The following CADPS variants were observed in gnomAD, a reference collection of about 807,000 sequenced individuals.
The protein encoded by CADPS is calcium dependent secretion activator, also known as calcium-dependent secretion activator 1.
In CADPS, 57 loss-of-function variants were observed where a neutral mutation model predicts 167.3. That is an observed-to-expected ratio of 0.34 (90% CI 0.28 to 0.42). The LOEUF (loss-of-function observed/expected upper bound fraction) is 0.42, where lower values mean the gene tolerates loss of function less well. CADPS is among the 20% of genes least tolerant of loss of function. The pLI is 1.00. For synonymous variants in CADPS, 676 were observed against 635.3 expected (o/e 1.06, Z -0.96); for missense variants, 1,414 against 1,738.1 (o/e 0.81, Z 3.32).
intron 27 of CADPS, among the ~76,000 whole-genome samples, chr3:62,443,813 C>T (rs1030407611): frequency 3.3e-5 from 5 of 152,156 alleles, no homozygotes; most frequent in African/African-American, 4.8e-5. Context: ...TTCATAGTAG[C>T]ATGAAAATGG....
chr3:62,717,277 A>T (rs1011142116), intron 3 of CADPS, among the ~76,000 whole-genome samples: 1 of 152,198 alleles, frequency 6.6e-6, no homozygotes, highest in African/African-American at 2.4e-5. Flanking sequence ...TCTTTGTTGA[A>T]TGAAAGATAA....
At chr3:62,822,401 G>A (rs141185001) in intron 1 of CADPS, among the ~76,000 whole-genome samples, 2 of 152,250 alleles carry the variant, frequency 1.3e-5, no homozygotes, top group African/African-American at 4.8e-5. Context: ...ATTCACAGCT[G>A]GTGTCTTGAG....
At chr3:62,573,786 T>C (rs1251681531) in intron 8 of CADPS, among the ~76,000 whole-genome samples, 7 of 152,196 alleles carry the variant, frequency 4.6e-5, no homozygotes, top group African/African-American at 1.4e-4. Flanking sequence ...TTTAATTTAT[T>C]TGTGGTTATA....
chr3:62,690,326 T>C (rs1165407818), intron 3 of CADPS, among the ~76,000 whole-genome samples: 1 of 152,104 alleles, frequency 6.6e-6, no homozygotes, highest in African/African-American at 2.4e-5. Flanking sequence ...TCCAAGATGA[T>C]GCATGGTCAT....
At chr3:62,562,606 A>C (rs1180052330) in intron 9 of CADPS, among the ~76,000 whole-genome samples, 1 of 152,176 alleles carries the variant, frequency 6.6e-6, no homozygotes, top group African/African-American at 2.4e-5. Context: ...AAGTGCTGGG[A>C]TTATAGATAT....
chr3:62,404,366 T>C (rs551522933), intron 28 of CADPS: 1 of 152,754 alleles, frequency 6.5e-6, no homozygotes, highest in African/African-American at 2.4e-5. Flanking sequence ...AACATGTTTC[T>C]GATGGTAACT....
At chr3:62,589,884 A>G (rs17066672) in intron 7 of CADPS, among the ~76,000 whole-genome samples, 5,472 of 152,254 alleles carry the variant, frequency 0.036, 337 homozygotes, top group African/African-American at 0.12. Context: ...GCCCAGGCAC[A>G]AACACATCTG....
chr3:62,667,476 T>C (rs986451566), intron 3 of CADPS, among the ~76,000 whole-genome samples: 1 of 152,100 alleles, frequency 6.6e-6, no homozygotes, highest in Non-Finnish European at 1.5e-5. Flanking sequence ...ATTTCAGCTA[T>C]TGTGTTTCAG....
chr3:62,631,109 T>TACACACAC (rs4019273), intron 6 of CADPS, among the ~76,000 whole-genome samples: 5 of 149,440 alleles, frequency 3.3e-5, no homozygotes, highest in African/African-American at 1.2e-4. Flanking sequence ...ATCTGTATAA[T>TACACACAC]ACACACACAC....
intron 2 of CADPS, among the ~76,000 whole-genome samples, chr3:62,756,750 T>C (rs1028970948): frequency 1.3e-5 from 2 of 152,164 alleles, no homozygotes; most frequent in African/African-American, 2.4e-5. Flanking sequence ...AGAGCTGTAA[T>C]TTATTTTAGA....
intron 18 of CADPS, among the ~76,000 whole-genome samples, chr3:62,497,150 G>A (rs1320333418): frequency 6.6e-6 from 1 of 152,198 alleles, no homozygotes; most frequent in Non-Finnish European, 1.5e-5. Flanking sequence ...AGTGAAACGT[G>A]CCTTGTTTAG....
chr3:62,449,265 T>C (rs542416299), intron 26 of CADPS, among the ~76,000 whole-genome samples: 1 of 152,276 alleles, frequency 6.6e-6, no homozygotes, highest in South Asian at 2.1e-4. Context: ...TCTGGACGTG[T>C]TTTTCTTTTC....
chr3:62,752,941 C>T (rs910812684), intron 3 of CADPS, among the ~76,000 whole-genome samples: 2 of 152,220 alleles, frequency 1.3e-5, no homozygotes, highest in East Asian at 1.9e-4. Flanking sequence ...CCTCAGCTCT[C>T]GCCATCAGAA....
At chr3:62,405,193 C>T (rs1188464540) in intron 28 of CADPS, among the ~76,000 whole-genome samples, 1 of 151,602 alleles carries the variant, frequency 6.6e-6, no homozygotes, top group Admixed American at 6.6e-5. Flanking sequence ...CCTCCCCTTA[C>T]CCCCAGCCTC....
rs549075893 is a variant in CADPS at position 62,455,434 on chromosome 3, G to A, written c.3637-9637C>T. ...GGCTCAGAGAGGTTAATCGACTTTT[G>A]AAAAGATCCACAACTAGTGACATTA... On this transcript the variant is annotated intron_variant, in intron 26 of 29. Coordinates refer to ENST00000383710, the MANE Select transcript of CADPS (RefSeq NM_003716.4). The surrounding 1 kb of genome is among the most constrained non-coding windows in gnomAD (Gnocchi z 4.4). Among the ~76,000 whole-genome samples the A allele has an allele frequency of 6.6e-6, 1 of 152,266 alleles. No individual in the cohort carries two copies. Among genetic ancestry groups the A allele is most frequent in the African/African-American group, 2.4e-5 (1 of 41,558 alleles).
Position 62,749,316 on chromosome 3 carries a change from C to CATTTCTCA in CADPS, c.888+4117_888+4124dup, listed in dbSNP as rs1259939384. 1.6e-4 allele frequency among the ~76,000 whole-genome samples: 24 copies of CATTTCTCA among 152,282 alleles called. No individual in the cohort carries two copies. The East Asian group carries it at 4.4e-3, about 28-fold the overall frequency. On this transcript the variant is annotated intron_variant, in intron 3 of 29. Transcript: ENST00000383710. ...GACATAATCGCTCTTTGATAAATGT[C>CATTTCTCA]ATTTCTCATTTGAGATAAAAATGGC...
intron 2 of CADPS, among the ~76,000 whole-genome samples, chr3:62,755,229 C>T (rs1041154912): frequency 1.3e-5 from 2 of 152,192 alleles, no homozygotes; most frequent in East Asian, 1.9e-4. Context: ...AAACCTCTCC[C>T]CCCTGGTGGA....
Position 62,558,481 on chromosome 3 carries a change from G to A in CADPS, c.1645-968C>T, listed in dbSNP as rs2078581328. On this transcript the variant is annotated intron_variant, in intron 9 of 29. Transcript: ENST00000383710. ...TATTTACTATCCACGGATGTCAAAT[G>A]TCTTAGAGAAGGAGTGCCACATCCC... 2.0e-5 allele frequency among the ~76,000 whole-genome samples: 3 copies of A among 152,262 alleles called. No individual in the cohort carries two copies. The South Asian group carries it at 6.2e-4, about 32-fold the overall frequency.
intron 24 of CADPS, among the ~76,000 whole-genome samples, chr3:62,467,705 T>C (rs959918825): frequency 6.6e-6 from 1 of 152,254 alleles, no homozygotes; most frequent in Admixed American, 6.5e-5. Context: ...GAAACCAGTA[T>C]GAAACTCTGA....
Sources: gnomAD v4.1 joint callset for allele counts (sites outside exome capture counted in the v4.1 genomes callset) on GRCh38, gnomAD v4.1.1 for gene constraint, Gnocchi (gnomAD v3.1) non-coding constraint, MANE v1.5 for transcripts, NCBI Gene and HGNC (gene_info 2026-07-23, HGNC 2026-07-21) for gene names.